Variants in ATP9B observed in about 807,000 individuals in gnomAD.
ATP9B encodes the protein ATPase phospholipid transporting 9B, also known as probable phospholipid-transporting ATPase IIB.
ATP9B carries 110 observed loss-of-function variants against 146.1 expected under a neutral mutation model. That is an observed-to-expected ratio of 0.75 (90% CI 0.65 to 0.88). The LOEUF (loss-of-function observed/expected upper bound fraction) is 0.88. Ranked by LOEUF, ATP9B falls within the 40% of genes least tolerant of loss-of-function variation. The probability of loss-of-function intolerance (pLI) is 0.00; values close to 1 mark genes in which losing one functional copy is unlikely to be tolerated. For synonymous variants in ATP9B, 604 were observed against 569.7 expected (o/e 1.06, Z -0.86); for missense variants, 1,499 against 1,496.4 (o/e 1.00, Z -0.03).
intron 1 of ATP9B, among the ~76,000 whole-genome samples, chr18:79,079,711 A>T (rs1382531008): frequency 6.6e-6 from 1 of 152,138 alleles, no homozygotes; most frequent in African/African-American, 2.4e-5. Flanking sequence ...TTAATCATGA[A>T]GTCTTTGCCC....
chr18:79,372,234 C>T lies in ATP9B; in HGVS notation c.3013-591C>T, dbSNP rs536879325. ...CTGCCCCCTCGTCCCCTGCCTCCTGCCCCCTCGTCCCCTGCCTCCTGCCCC... is the reference window on the plus strand; with the variant it reads ...CTGCCCCCTCGTCCCCTGCCTCCTGTCCCCTCGTCCCCTGCCTCCTGCCCC... On this transcript the variant is annotated intron_variant, in intron 26 of 29. Transcript: ENST00000426216. Among the ~76,000 whole-genome samples the T allele has an allele frequency of 8.8e-5, 13 of 147,272 alleles. No individual in the cohort carries two copies. The South Asian group carries it at 2.9e-3, about 33-fold the overall frequency.
chr18:79,276,858 C>G (rs1037223670), intron 12 of ATP9B, among the ~76,000 whole-genome samples, 196 bp from the exon 13 acceptor site: 4 of 152,116 alleles, frequency 2.6e-5, no homozygotes, highest in African/African-American at 4.8e-5. Flanking sequence ...TATATGGAAC[C>G]ATGAGCCTGA....
rs7245379 is a variant in ATP9B at position 79,239,954 on chromosome 18, C to T, written c.1108-13427C>T. Among the ~76,000 whole-genome samples, 4 of 152,086 alleles carry T rather than the reference C, an allele frequency of 2.6e-5. No individual in the cohort carries two copies. The highest frequency in any genetic ancestry group is 9.7e-5 in the African/African-American group (4 of 41,400). On this transcript the variant is annotated intron_variant, in intron 11 of 29. Coordinates refer to ENST00000426216, the MANE Select transcript of ATP9B (RefSeq NM_198531.5). This position sits in a 1 kb window ranked among gnomAD's most constrained non-coding sequence, Gnocchi z 5.1. Reference sequence around the variant, plus strand: ...CCCATCAGCGGTGACCAGCAGATCACCACGCCTCAGGGGCCCCACACCCGC... The same window carrying T: ...CCCATCAGCGGTGACCAGCAGATCATCACGCCTCAGGGGCCCCACACCCGC...
intron 4 of ATP9B, among the ~76,000 whole-genome samples, chr18:79,125,781 C>T (rs191498024): frequency 2.0e-5 from 3 of 152,212 alleles, no homozygotes; most frequent in Admixed American, 6.5e-5. Flanking sequence ...GTTCATTCTA[C>T]TGCAGTTATA....
chr18:79,361,692 A>G, intron 26 of ATP9B: 1 of 797,946 alleles, frequency 1.3e-6, no homozygotes, highest in Non-Finnish European at 1.5e-6. Context: ...ATTTTTTCTT[A>G]TTGAAGCTAA....
At chr18:79,284,997 C>A (rs934107541) in intron 13 of ATP9B, among the ~76,000 whole-genome samples, 5 of 152,074 alleles carry the variant, frequency 3.3e-5, no homozygotes, top group Non-Finnish European at 7.3e-5. Context: ...ATATGTGCCA[C>A]ATTTTCTTAA....
intron 11 of ATP9B, among the ~76,000 whole-genome samples, chr18:79,216,152 T>G (rs1019462945): frequency 1.3e-5 from 2 of 152,220 alleles, no homozygotes; most frequent in Non-Finnish European, 2.9e-5. Context: ...TAGCCCACCT[T>G]TTTCTTCAGT....
At chr18:79,242,452 C>G (rs963687288) in intron 11 of ATP9B, among the ~76,000 whole-genome samples, 1 of 152,202 alleles carries the variant, frequency 6.6e-6, no homozygotes, top group Non-Finnish European at 1.5e-5. Flanking sequence ...GCTGTGTTTC[C>G]CTACATACTG....
At chr18:79,359,295 T>G (rs938072909) in intron 25 of ATP9B, 59 bp from the exon 26 acceptor site, 1 of 1,334,340 alleles carries the variant, frequency 7.5e-7, no homozygotes, top group Admixed American at 1.7e-5. Flanking sequence ...CAGAGGTCTG[T>G]TTCTAGCTGT....
intron 25 of ATP9B, among the ~76,000 whole-genome samples, chr18:79,356,098 A>G (rs1420845033): frequency 6.6e-6 from 1 of 152,192 alleles, no homozygotes; most frequent in African/African-American, 2.4e-5. Flanking sequence ...AGAGACGGCC[A>G]CCCTGTGTGT....
chr18:79,208,712 TATATAAATGTTACATAC>T (rs1382412732), intron 10 of ATP9B, among the ~76,000 whole-genome samples: 21 of 152,162 alleles, frequency 1.4e-4, no homozygotes, highest in East Asian at 7.7e-4. Flanking sequence ...ATTACATCTA[TATATAAATGTTACATAC>T]ATATAAATGT....
chr18:79,139,195 T>C (rs2094484355), intron 5 of ATP9B, among the ~76,000 whole-genome samples: 1 of 152,266 alleles, frequency 6.6e-6, no homozygotes, highest in Non-Finnish European at 1.5e-5. Flanking sequence ...CGTTATGACA[T>C]TGACTCATTT....
rs1277143235 is a variant in ATP9B at position 79,378,240 on chromosome 18, C to G, written c.*857C>G. 1 of 152,254 alleles carries G rather than the reference C, an allele frequency of 6.6e-6. No individual in the cohort carries two copies. The highest frequency in any genetic ancestry group is 6.5e-5 in the Admixed American group (1 of 15,284). The allele number at this position is 152,254 out of a possible 1,614,324, so 9.4% of individuals were successfully genotyped here. A position where few individuals can be genotyped will look rare whatever the true frequency, so the allele number is the denominator to read the frequency against. On this transcript the variant is annotated 3_prime_UTR_variant, in exon 30 of 30. Transcript: ENST00000426216. ...ATACCCTCGCTTTATACTTGCATTT[C>G]GCTTTTCAGTAAAAACAGTCAAGTT...
intron 13 of ATP9B, among the ~76,000 whole-genome samples, chr18:79,297,511 T>C (rs1310905028): frequency 1.3e-5 from 2 of 152,230 alleles, no homozygotes; most frequent in Non-Finnish European, 2.9e-5. Context: ...ATATTGTGGG[T>C]ATTTTTGGTA....
rs777654085 is a variant in ATP9B at position 79,337,433 on chromosome 18, G to A, written c.2267G>A (p.Arg756His). Reference protein sequence around the residue: ...ADVRPTLEMLRNAGIKIWMLT... With the variant: ...ADVRPTLEMLHNAGIKIWMLT... ...GTGCGGCCCACGCTGGAGATGCTGCGCAACGCCGGGATCAAGGTACTGCAG... is the reference window on the plus strand; with the variant it reads ...GTGCGGCCCACGCTGGAGATGCTGCACAACGCCGGGATCAAGGTACTGCAG... Residue 756 changes from arginine (R) to histidine (H), a missense_variant, in exon 19 of 30, where the codon CGC becomes CAC. Coordinates refer to ENST00000426216, the MANE Select transcript of ATP9B (RefSeq NM_198531.5). 1.2e-5 allele frequency: 20 copies of A among 1,611,422 alleles called. No individual in the cohort carries two copies. Among genetic ancestry groups the A allele is most frequent in the Admixed American group, 1.7e-5 (1 of 59,936 alleles).
intron 17 of ATP9B, 58 bp from the exon 18 acceptor site, chr18:79,336,570 A>C (rs2096828237): frequency 1.3e-6 from 2 of 1,524,884 alleles, no homozygotes; most frequent in Middle Eastern, 1.7e-4. Context: ...CCCTGGCCCC[A>C]CACACGGCCA....
At chr18:79,077,834 C>T (rs2072800489) in intron 1 of ATP9B, 2 of 152,260 alleles carry the variant, frequency 1.3e-5, no homozygotes, top group African/African-American at 4.8e-5. Flanking sequence ...TTCCTCGTAT[C>T]TGCTTTCTGC....
chr18:79,352,067 CAT>C (rs1187901234), intron 25 of ATP9B, among the ~76,000 whole-genome samples: 26 of 152,314 alleles, frequency 1.7e-4, no homozygotes, highest in African/African-American at 3.6e-4. Context: ...GCCCACAACT[CAT>C]GTTCCACGAA....
chr18:79,261,263 A>G (rs2096138143), intron 12 of ATP9B, among the ~76,000 whole-genome samples: 1 of 152,210 alleles, frequency 6.6e-6, no homozygotes, highest in African/African-American at 2.4e-5. Flanking sequence ...GATGGCCCCC[A>G]GAACATGTGC....
Sources: allele counts gnomAD v4.1 joint callset (sites outside exome capture counted in the v4.1 genomes callset), GRCh38; gene constraint gnomAD v4.1.1; non-coding constraint Gnocchi (gnomAD v3.1); transcripts MANE v1.5; gene names NCBI Gene and HGNC (gene_info 2026-07-23, HGNC 2026-07-21).